Variants in SHTN1 observed in about 807,000 individuals in gnomAD.
SHTN1 encodes the protein shootin-1.
SHTN1 carries 42 observed loss-of-function variants against 83.1 expected under a neutral mutation model. The observed-to-expected ratio is 0.51, with a 90% CI of 0.39 to 0.65. The LOEUF (loss-of-function observed/expected upper bound fraction) is 0.65, where lower values mean the gene tolerates loss of function less well. SHTN1 is among the 30% of genes least tolerant of loss of function. SHTN1 has a pLI of 0.00. For missense variants in SHTN1, 622 were observed against 737.8 expected (o/e 0.84, Z 1.82); for synonymous variants, 224 against 247.7 (o/e 0.90, Z 0.90).
At chr10:117,085,222 G>C (rs767084839) in intron 1 of SHTN1, among the ~76,000 whole-genome samples, 4 of 151,866 alleles carry the variant, frequency 2.6e-5, no homozygotes, top group Non-Finnish European at 4.4e-5. Flanking sequence ...AGTTTCCTTA[G>C]GTTAAAAAAC....
intron 2 of SHTN1, among the ~76,000 whole-genome samples, chr10:117,037,911 C>G (rs1459373161): frequency 4.7e-5 from 1 of 21,326 alleles, no homozygotes; most frequent in African/African-American, 2.1e-4. Context: ...GGAGGTGAGG[C>G]AGGATAATTG....
At chr10:116,979,831 T>C (rs1850950334) in intron 1 of SHTN1, among the ~76,000 whole-genome samples, 1 of 152,310 alleles carries the variant, frequency 6.6e-6, no homozygotes, top group African/African-American at 2.4e-5. Flanking sequence ...AATCAGCCTG[T>C]AGAAAGTAGA....
intron 1 of SHTN1, among the ~76,000 whole-genome samples, chr10:117,000,500 C>G (rs535004765): frequency 6.6e-6 from 1 of 152,242 alleles, no homozygotes; most frequent in South Asian, 2.1e-4. Flanking sequence ...CATAGGAAAT[C>G]CATTTTAAAT....
At chr10:117,120,811 ATT>A (rs71013645) in intron 1 of SHTN1, among the ~76,000 whole-genome samples, 5,963 of 141,440 alleles carry the variant, frequency 0.042, 377 homozygotes, top group African/African-American at 0.14. Context: ...CACTGATTTG[ATT>A]TTTTTTTTTT....
chr10:116,978,582 A>C (rs1850894908), intron 2 of SHTN1, among the ~76,000 whole-genome samples: 1 of 151,060 alleles, frequency 6.6e-6, no homozygotes, highest in Admixed American at 6.6e-5. Flanking sequence ...CTCCTCCCTA[A>C]ATTTACAAGA....
chr10:117,050,801 C>T (rs953404145), intron 1 of SHTN1, among the ~76,000 whole-genome samples: 4 of 152,082 alleles, frequency 2.6e-5, no homozygotes, highest in Non-Finnish European at 4.4e-5. Context: ...CACCTGTAAT[C>T]CCAACACTTT....
At chr10:116,962,281 A>G (rs956587028) in intron 3 of SHTN1, among the ~76,000 whole-genome samples, 1 of 152,094 alleles carries the variant, frequency 6.6e-6, no homozygotes. Flanking sequence ...CTTCATCAAT[A>G]TAATTGCCTT....
rs558133791 is a variant in SHTN1 at position 116,978,985 on chromosome 10, T to G, written c.111+271A>C. ...GGGAAAAAGTACGATTCCTGGGGACTTGAGTTGCTTGGCCTGGTGCCTTGC... is the reference window on the plus strand; with the variant it reads ...GGGAAAAAGTACGATTCCTGGGGACGTGAGTTGCTTGGCCTGGTGCCTTGC... On this transcript the variant is annotated intron_variant, in intron 2 of 16. Transcript: ENST00000355371. 7.3e-4 allele frequency among the ~76,000 whole-genome samples: 111 copies of G among 152,358 alleles called. 2 individuals are homozygous for G. In the South Asian group the frequency reaches 0.022, roughly 30 times the overall value.
chr10:117,068,412 G>A (rs1201168895), intron 1 of SHTN1, among the ~76,000 whole-genome samples: 10 of 151,956 alleles, frequency 6.6e-5, no homozygotes, highest in Admixed American at 3.3e-4. Context: ...TACTGGGTCC[G>A]CCCAATATAG....
chr10:116,958,430 C>A (rs1850061071), intron 4 of SHTN1, among the ~76,000 whole-genome samples: 1 of 152,046 alleles, frequency 6.6e-6, no homozygotes, highest in Non-Finnish European at 1.5e-5. Context: ...AAAGAACAGG[C>A]AACAAACAGT....
intron 2 of SHTN1, among the ~76,000 whole-genome samples, chr10:117,037,711 A>C (rs1417948858): frequency 6.6e-6 from 1 of 152,120 alleles, no homozygotes; most frequent in Non-Finnish European, 1.5e-5. Context: ...CAGACAAATA[A>C]ATCAGTAAAC....
chr10:116,985,830 C>G lies in SHTN1; in HGVS notation c.59-6522G>C, dbSNP rs145253625. Among the ~76,000 whole-genome samples, 438 of 152,294 alleles carry G rather than the reference C, an allele frequency of 2.9e-3. 2 individuals carry two copies. The highest frequency in any genetic ancestry group is 4.6e-3 in the Non-Finnish European group (316 of 68,028). ...CACAAAAGATAGTGTTCAATTACAA[C>G]ATTATTCCCTTCTGTACACATCCCA... On this transcript the variant is annotated intron_variant, in intron 1 of 16. Transcript: ENST00000355371.
At chr10:116,925,585 T>C (rs988083408) in intron 11 of SHTN1, among the ~76,000 whole-genome samples, 1 of 152,142 alleles carries the variant, frequency 6.6e-6, no homozygotes, top group African/African-American at 2.4e-5. Flanking sequence ...TTATAATAAA[T>C]CTGTATTTAT....
intron 2 of SHTN1, among the ~76,000 whole-genome samples, chr10:117,013,089 T>A (rs1852133019): frequency 6.6e-6 from 1 of 152,060 alleles, no homozygotes; most frequent in South Asian, 2.1e-4. Flanking sequence ...TATAAATTTT[T>A]TTAAAAATAA....
chr10:116,966,044 G>A (rs1401083088), intron 3 of SHTN1, among the ~76,000 whole-genome samples: 1 of 151,994 alleles, frequency 6.6e-6, no homozygotes, highest in Admixed American at 6.6e-5. Flanking sequence ...GTCTCACCCT[G>A]TCGCCAGTCT....
intron 14 of SHTN1, among the ~76,000 whole-genome samples, chr10:116,909,489 C>T (rs1451368745): frequency 6.6e-6 from 1 of 152,182 alleles, no homozygotes; most frequent in Non-Finnish European, 1.5e-5. Context: ...ACCACTGTCA[C>T]TTAGAGTGGC....
chr10:116,979,412 T>A (rs1274585049), intron 1 of SHTN1, 104 bp from the exon 2 acceptor site: 4 of 882,522 alleles, frequency 4.5e-6, no homozygotes, highest in Non-Finnish European at 7.4e-6. Flanking sequence ...TAGGTTGAGG[T>A]AGGGTGGAGA....
intron 1 of SHTN1, among the ~76,000 whole-genome samples, chr10:117,051,741 C>A (rs1852743665): frequency 1.3e-5 from 2 of 151,260 alleles, no homozygotes; most frequent in South Asian, 4.2e-4. Context: ...ATTCACTATT[C>A]TAGTGATAAC....
chr10:117,010,643 A>G (rs1852090125), intron 2 of SHTN1, among the ~76,000 whole-genome samples: 1 of 152,200 alleles, frequency 6.6e-6, no homozygotes, highest in Non-Finnish European at 1.5e-5. Context: ...AAATGTACAC[A>G]CCAATTTCTC....
Sources: allele counts gnomAD v4.1 joint callset (sites outside exome capture counted in the v4.1 genomes callset), GRCh38; gene constraint gnomAD v4.1.1; transcripts MANE v1.5; gene names NCBI Gene and HGNC (gene_info 2026-07-23, HGNC 2026-07-21).